SMAP1: variants seen among roughly 807,000 people sequenced by gnomAD.
The protein encoded by SMAP1 is stromal membrane-associated protein 1.
In SMAP1, 24 loss-of-function variants were observed where a neutral mutation model predicts 58.5. The ratio of observed to expected loss-of-function variants is 0.41; its 90% confidence interval spans 0.30 to 0.58. The LOEUF (loss-of-function observed/expected upper bound fraction) is 0.58. Ranked by LOEUF, SMAP1 falls within the 20% of genes least tolerant of loss-of-function variation. The pLI is 0.29. For synonymous variants in SMAP1, 216 were observed against 196.6 expected, an observed-to-expected ratio of 1.10 and a Z score of -0.82; for missense variants, 563 against 566.3, an observed-to-expected ratio of 0.99 and a Z score of 0.06.
intron 3 of SMAP1, among the ~76,000 whole-genome samples, chr6:70,766,986 T>C (rs1251876108): frequency 0.023 from 3,495 of 151,750 alleles, 48 homozygotes; most frequent in Non-Finnish European, 0.036. Flanking sequence ...TTTCCCAGCA[T>C]CATTTATTAA....
intron 6 of SMAP1, among the ~76,000 whole-genome samples, chr6:70,813,341 C>G (rs1769472527): frequency 6.6e-6 from 1 of 151,800 alleles, no homozygotes; most frequent in Non-Finnish European, 1.5e-5. Context: ...ATTTATTATT[C>G]CATCCTTACA....
intron 1 of SMAP1, among the ~76,000 whole-genome samples, chr6:70,715,252 A>C (rs1222751545): frequency 6.6e-6 from 1 of 151,882 alleles, no homozygotes; most frequent in Non-Finnish European, 1.5e-5. Context: ...ACTTGCCAGC[A>C]TGCCTGGCTA....
At chr6:70,725,500 A>C (rs1332171800) in intron 1 of SMAP1, among the ~76,000 whole-genome samples, 3 of 152,086 alleles carry the variant, frequency 2.0e-5, no homozygotes, top group Non-Finnish European at 4.4e-5. Context: ...AGGGCTAGTC[A>C]GTGCTCTTGC....
intron 1 of SMAP1, chr6:70,668,532 C>G: frequency 6.6e-7 from 1 of 1,522,246 alleles, no homozygotes; most frequent in Non-Finnish European, 8.8e-7. Flanking sequence ...TCATAGCTAT[C>G]TCTGTGGGTG....
intron 1 of SMAP1, among the ~76,000 whole-genome samples, chr6:70,677,179 AATTTTTTTTTTTTTT>A (rs1052734700): frequency 1.4e-5 from 2 of 147,534 alleles, no homozygotes; most frequent in African/African-American, 5.0e-5. Context: ...ATATATATAT[AATTTTTTTTTTTTTT>A]TTTGCTATAT....
intron 6 of SMAP1, among the ~76,000 whole-genome samples, chr6:70,805,888 G>C (rs763829077): frequency 4.3e-4 from 65 of 152,314 alleles, no homozygotes; most frequent in Non-Finnish European, 7.4e-4. Context: ...CTTCGTCCCA[G>C]AGGGGTACCC....
chr6:70,763,548 T>C (rs1008143910), intron 3 of SMAP1, among the ~76,000 whole-genome samples: 4 of 151,986 alleles, frequency 2.6e-5, no homozygotes, highest in Non-Finnish European at 4.4e-5. Flanking sequence ...TCATTTTAAA[T>C]CAAAAAGCTA....
intron 5 of SMAP1, among the ~76,000 whole-genome samples, chr6:70,792,035 C>T (rs1768384601): frequency 1.3e-5 from 2 of 152,054 alleles, no homozygotes; most frequent in East Asian, 3.9e-4. Flanking sequence ...TTGTTGCGCC[C>T]ATTACTATCT....
chr6:70,743,506 T>G (rs1159148780), intron 2 of SMAP1, among the ~76,000 whole-genome samples: 1 of 152,216 alleles, frequency 6.6e-6, no homozygotes, highest in Non-Finnish European at 1.5e-5. Flanking sequence ...TTTAATCTCT[T>G]AGGGGTTTGG....
At chr6:70,676,149 C>A (rs781989) in intron 1 of SMAP1, among the ~76,000 whole-genome samples, 65,898 of 151,962 alleles carry the variant, frequency 0.43, 14,658 homozygotes, top group South Asian at 0.5. Context: ...ACTTTTTGTG[C>A]CTTTCTCCTT....
At chr6:70,858,714 A>G (rs2474914) in intron 10 of SMAP1, 54,747 of 153,010 alleles carry the variant, frequency 0.36, 11,351 homozygotes, top group Admixed American at 0.45. Flanking sequence ...ATCTAAGGCT[A>G]TTTTTCAGGT....
intron 2 of SMAP1, among the ~76,000 whole-genome samples, chr6:70,747,983 G>A (rs190550501): frequency 3.8e-4 from 58 of 152,206 alleles, no homozygotes; most frequent in African/African-American, 1.3e-3. Context: ...ACAGAGAACA[G>A]CTTCCCCTAA....
chr6:70,676,162 C>T (rs1157027416), intron 1 of SMAP1, among the ~76,000 whole-genome samples: 1 of 152,204 alleles, frequency 6.6e-6, no homozygotes, highest in Non-Finnish European at 1.5e-5. Flanking sequence ...TTCTCCTTTG[C>T]TGATTGTGCT....
intron 6 of SMAP1, among the ~76,000 whole-genome samples, chr6:70,831,030 T>G (rs1770337154): frequency 6.6e-6 from 1 of 152,244 alleles, no homozygotes; most frequent in Non-Finnish European, 1.5e-5. Flanking sequence ...TCATGAGATT[T>G]GATTTTAATT....
At chr6:70,709,837 A>G (rs1419489439) in intron 1 of SMAP1, among the ~76,000 whole-genome samples, 1 of 152,158 alleles carries the variant, frequency 6.6e-6, no homozygotes, top group African/African-American at 2.4e-5. Context: ...CATGAACACA[A>G]GGTATCTTTC....
At chr6:70,769,562 C>G (rs1582147723) in intron 3 of SMAP1, among the ~76,000 whole-genome samples, 3 of 152,254 alleles carry the variant, frequency 2.0e-5, no homozygotes, top group African/African-American at 7.2e-5. Flanking sequence ...TTATCAGAGA[C>G]TAGGATTGCA....
chr6:70,793,574 T>C (rs527671676), intron 5 of SMAP1, among the ~76,000 whole-genome samples: 86 of 151,178 alleles, frequency 5.7e-4, no homozygotes, highest in African/African-American at 2.0e-3. Context: ...CTGTGGAACA[T>C]TGAGGTGTTT....
chr6:70,856,766 A>T, intron 8 of SMAP1, 93 bp from the exon 9 acceptor site: 1 of 1,292,824 alleles, frequency 7.7e-7, no homozygotes, highest in Non-Finnish European at 1.0e-6. Context: ...TTTGATTCCT[A>T]TCTAATTTTA....
At chr6:70,849,812 TCAC>T (rs1275966526) in intron 7 of SMAP1, among the ~76,000 whole-genome samples, 1 of 152,230 alleles carries the variant, frequency 6.6e-6, no homozygotes, top group Non-Finnish European at 1.5e-5. Flanking sequence ...TGCACAACTG[TCAC>T]CACCATCTAT....
Sources: gnomAD v4.1 joint callset for allele counts (sites outside exome capture counted in the v4.1 genomes callset) on GRCh38, gnomAD v4.1.1 for gene constraint, MANE v1.5 for transcripts, NCBI Gene and HGNC (gene_info 2026-07-23, HGNC 2026-07-21) for gene names.